The following NRG1 variants were observed in gnomAD, a reference collection of about 807,000 sequenced individuals.
The protein encoded by NRG1 is neuregulin 1.
In NRG1, 18 loss-of-function variants were observed where a neutral mutation model predicts 63.8. The ratio of observed to expected loss-of-function variants is 0.28; its 90% CI spans 0.19 to 0.42. NRG1 has a LOEUF of 0.42. Among genes scored for constraint, NRG1 ranks in the 10% least tolerant of loss-of-function variants. The pLI is 1.00. For missense variants in NRG1, 762 were observed against 814.7 expected, an observed-to-expected ratio of 0.94 and a Z score of 0.79; for synonymous variants, 302 against 301.3, an observed-to-expected ratio of 1.00 and a Z score of -0.02.
chr8:31,816,899 A>G (rs936843982), intron 1 of NRG1, among the ~76,000 whole-genome samples: 1 of 152,192 alleles, frequency 6.6e-6, no homozygotes, highest in Admixed American at 6.5e-5. Context: ...ATGCTGATTG[A>G]TTTAGATGTT....
chr8:32,411,615 C>T (rs955182282), intron 1 of NRG1, among the ~76,000 whole-genome samples: 1 of 152,166 alleles, frequency 6.6e-6, no homozygotes, highest in East Asian at 1.9e-4. Context: ...TGGACAGGGG[C>T]TTACTATATG....
rs1826673975 is a variant in NRG1, at chr8:32,742,839, T to C, written c.691+106T>C. ...CAGATTCCACCTAGAGCTAGATGTG[T>C]CTTACCAGATCTAATATTGACTGCC... is the stretch of plus-strand genomic sequence containing the variant. On this transcript the variant is annotated intron_variant, in intron 7 of 11. Coordinates refer to ENST00000356819, the Ensembl canonical transcript of NRG1. The surrounding 1 kb of genome is among the most constrained non-coding windows in gnomAD (Gnocchi z 4.2). 1 of 1,605,740 alleles carries C rather than the reference T, an allele frequency of 6.2e-7. No homozygotes were observed. Among genetic ancestry groups the C allele is most frequent in the South Asian group, 1.1e-5 (1 of 90,490 alleles).
intron 1 of NRG1, among the ~76,000 whole-genome samples, chr8:32,040,985 A>G (rs1011541469): frequency 6.6e-5 from 10 of 151,608 alleles, no homozygotes; most frequent in African/African-American, 2.2e-4. Context: ...TGATGTTCTT[A>G]TATTATTTTG....
intron 1 of NRG1, among the ~76,000 whole-genome samples, chr8:31,954,572 G>A (rs931556084): frequency 2.0e-5 from 3 of 152,086 alleles, no homozygotes; most frequent in African/African-American, 7.2e-5. Context: ...TTGTTATGTG[G>A]GTAACTGTTC....
intron 1 of NRG1, among the ~76,000 whole-genome samples, chr8:32,246,712 T>C (rs910829628): frequency 6.6e-6 from 1 of 152,016 alleles, no homozygotes; most frequent in Admixed American, 6.6e-5. Flanking sequence ...AATACTGGCT[T>C]ATAGGCACAG....
chr8:32,493,819 G>C (rs1826884000), intron 1 of NRG1, among the ~76,000 whole-genome samples: 1 of 152,144 alleles, frequency 6.6e-6, no homozygotes, highest in Admixed American at 6.6e-5. Flanking sequence ...TGGAGGATTT[G>C]AGGTTTGGGT....
At chr8:32,548,885 T>C in intron 1 of NRG1, 59 bp downstream of exon 1, 1 of 1,494,098 alleles carries the variant, frequency 6.7e-7, no homozygotes, top group Non-Finnish European at 8.9e-7. Flanking sequence ...CTACTCCTCC[T>C]CCTCCTCGGA....
chr8:32,721,899 G>A, intron 5 of NRG1: 1 of 1,447,124 alleles, frequency 6.9e-7, no homozygotes, highest in East Asian at 2.7e-5. Flanking sequence ...TTTTTCCCCA[G>A]TAGGAGTTCA....
chr8:31,772,324 A>G (rs966351705), intron 1 of NRG1, among the ~76,000 whole-genome samples: 1 of 152,142 alleles, frequency 6.6e-6, no homozygotes, highest in Non-Finnish European at 1.5e-5. Flanking sequence ...CTCCCACGGA[A>G]AGACCTGTCT....
intron 5 of NRG1, among the ~76,000 whole-genome samples, chr8:32,674,479 A>G (rs1806532894): frequency 6.6e-6 from 1 of 152,128 alleles, no homozygotes; most frequent in Non-Finnish European, 1.5e-5. Flanking sequence ...TGTTGTTTTA[A>G]AAGGTTTCTC....
Position 32,135,652 on chromosome 8 carries a change from CA to C in NRG1, c.38-460175del, listed in dbSNP as rs140752812. 5.9e-5 allele frequency among the ~76,000 whole-genome samples: 9 copies of C among 152,086 alleles called. No homozygotes were observed. In the East Asian group the frequency reaches 1.7e-3, roughly 29 times the overall value. On this transcript the variant is annotated intron_variant, in intron 1 of 10. Coordinates refer to the NRG1 transcript ENST00000519301. The stretch of plus-strand genomic sequence containing the variant: ...ACTTGTTATTTTTTAGCCATGTTTA[CA>C]TTTTTTTGAGATATCTTCTGAGTAT...
chr8:32,345,390 T>C (rs1205715862), intron 1 of NRG1, among the ~76,000 whole-genome samples: 1 of 152,108 alleles, frequency 6.6e-6, no homozygotes, highest in Admixed American at 6.6e-5. Context: ...CATCTGTGAG[T>C]TGTAAGCCTG....
At chr8:32,739,916 T>C (rs556743926) in intron 6 of NRG1, among the ~76,000 whole-genome samples, 12 of 152,276 alleles carry the variant, frequency 7.9e-5, no homozygotes, top group African/African-American at 1.4e-4. Flanking sequence ...TTTTAACTTT[T>C]ATCAAGAATT....
intron 1 of NRG1, among the ~76,000 whole-genome samples, chr8:31,804,792 A>G (rs530993080): frequency 6.6e-6 from 1 of 152,340 alleles, no homozygotes; most frequent in Admixed American, 6.5e-5. Flanking sequence ...TCAACTGATT[A>G]TAGATGCTAA....
exon 12 of NRG1, chr8:32,766,633 G>A (rs1831450597): frequency 6.6e-6 from 1 of 152,298 alleles, no homozygotes; most frequent in Middle Eastern, 3.4e-3. Context: ...AGAAGTTTCT[G>A]TTGAGAACCA....
At chr8:32,330,481 T>C (rs1802517376) in intron 1 of NRG1, among the ~76,000 whole-genome samples, 1 of 152,122 alleles carries the variant, frequency 6.6e-6, no homozygotes, top group Non-Finnish European at 1.5e-5. Context: ...AAGTGAAGGA[T>C]GTGGAGGAGG....
At chr8:32,471,027 C>G (rs1369646534) in intron 1 of NRG1, among the ~76,000 whole-genome samples, 1 of 152,164 alleles carries the variant, frequency 6.6e-6, no homozygotes, top group African/African-American at 2.4e-5. Flanking sequence ...GTCTTGAACT[C>G]CTAGGCGCAA....
At chr8:31,794,536 C>T (rs1316605650) in intron 1 of NRG1, among the ~76,000 whole-genome samples, 2 of 151,072 alleles carry the variant, frequency 1.3e-5, no homozygotes, top group African/African-American at 4.9e-5. Context: ...TTTAGGAACT[C>T]GGTAGACAAG....
chr8:32,033,527 A>T (rs113384132), intron 1 of NRG1, among the ~76,000 whole-genome samples: 5,852 of 152,142 alleles, frequency 0.038, 379 homozygotes, highest in African/African-American at 0.13. Context: ...GAATCTATAA[A>T]TTACTTTGGG....
Sources: gnomAD v4.1 joint callset for allele counts (sites outside exome capture counted in the v4.1 genomes callset) on GRCh38, gnomAD v4.1.1 for gene constraint, Gnocchi (gnomAD v3.1) non-coding constraint, MANE v1.5 for transcripts, NCBI Gene and HGNC (gene_info 2026-07-23, HGNC 2026-07-21) for gene names.